The following LMCD1 variants were observed in gnomAD, a reference collection of about 807,000 sequenced individuals.
LMCD1 encodes the protein LIM and cysteine-rich domains protein 1.
In LMCD1, 32 loss-of-function variants were observed where a neutral mutation model predicts 42.7. The observed-to-expected ratio is 0.75, with a 90% CI of 0.57 to 1.01. The LOEUF (loss-of-function observed/expected upper bound fraction) is 1.01. Among genes scored for constraint, LMCD1 ranks in the 50% least tolerant of loss-of-function variants. LMCD1 has a pLI of 0.00. For synonymous variants in LMCD1, 178 were observed against 184.9 expected (o/e 0.96, Z 0.30); for missense variants, 458 against 483.1 (o/e 0.95, Z 0.49).
chr3:8,549,498 G>A (rs1018773661), intron 4 of LMCD1, among the ~76,000 whole-genome samples: 1 of 152,092 alleles, frequency 6.6e-6, no homozygotes, highest in African/African-American at 2.4e-5. Flanking sequence ...CACTGCCCCA[G>A]GAAATCAAAC....
intron 1 of LMCD1, among the ~76,000 whole-genome samples, chr3:8,506,259 A>G (rs1164705703): frequency 6.6e-6 from 1 of 152,218 alleles, no homozygotes; most frequent in Non-Finnish European, 1.5e-5. Flanking sequence ...CTCCAAGGCT[A>G]GGAATTTGCT....
intron 4 of LMCD1, among the ~76,000 whole-genome samples, chr3:8,556,850 A>G (rs1363496153): frequency 1.3e-5 from 2 of 152,092 alleles, no homozygotes; most frequent in Non-Finnish European, 2.9e-5. Flanking sequence ...AGGGAGGGAG[A>G]TTCAGTTAGA....
At chr3:8,544,672 A>G (rs1022803114) in intron 3 of LMCD1, among the ~76,000 whole-genome samples, 1 of 152,230 alleles carries the variant, frequency 6.6e-6, no homozygotes, top group Non-Finnish European at 1.5e-5. Context: ...AAAATCAGAC[A>G]GCAACAGGGT....
intron 5 of LMCD1, 50 bp downstream of exon 5, chr3:8,565,697 G>T: frequency 4.6e-6 from 7 of 1,508,966 alleles, no homozygotes; most frequent in African/African-American, 1.4e-5. Context: ...ACACTGCTGA[G>T]GGTAAAAGCC....
rs1695247275 is a variant in LMCD1, at chr3:8,573,250, T to C, written c.*5652T>C. On this transcript the variant is annotated 3_prime_UTR_variant, in exon 6 of 6. Coordinates refer to ENST00000157600, the MANE Select transcript of LMCD1 (RefSeq NM_014583.4). Reference sequence around the variant, plus strand: ...GAAGCCATTACACTTCCTAGTTTATTTGGATTTAAGTTGACAAATAAAAAT... The same window carrying C: ...GAAGCCATTACACTTCCTAGTTTATCTGGATTTAAGTTGACAAATAAAAAT... 1 of 152,210 alleles carries C rather than the reference T, an allele frequency of 6.6e-6. No homozygotes were observed. Among genetic ancestry groups the C allele is most frequent in the Admixed American group, 6.5e-5 (1 of 15,280 alleles). 9.4% of individuals were successfully genotyped at this position (152,210 alleles called of 1,614,324 possible).
chr3:8,525,715 T>G (rs1694286744), intron 1 of LMCD1, among the ~76,000 whole-genome samples: 2 of 152,196 alleles, frequency 1.3e-5, no homozygotes, highest in African/African-American at 4.8e-5. Context: ...GGGAGATTAT[T>G]AAGACAATGA....
intron 1 of LMCD1, among the ~76,000 whole-genome samples, chr3:8,502,973 C>T (rs1693795128): frequency 6.6e-6 from 1 of 152,178 alleles, no homozygotes; most frequent in Admixed American, 6.5e-5. Flanking sequence ...GACTCAGTCC[C>T]TGCCACTTTT....
intron 1 of LMCD1, among the ~76,000 whole-genome samples, chr3:8,511,802 A>C (rs553470646): frequency 6.6e-6 from 1 of 152,124 alleles, no homozygotes; most frequent in Admixed American, 6.5e-5. Context: ...CTCAAGCAAA[A>C]CCCACTGGGG....
intron 3 of LMCD1, among the ~76,000 whole-genome samples, chr3:8,538,456 A>C (rs1329894572): frequency 1.3e-5 from 2 of 152,184 alleles, no homozygotes; most frequent in African/African-American, 2.4e-5. Context: ...GAAGAAAAGG[A>C]GTGCCTTTGG....
At chr3:8,533,158 G>A (rs551552527) in intron 2 of LMCD1, among the ~76,000 whole-genome samples, 8 of 152,186 alleles carry the variant, frequency 5.3e-5, no homozygotes, top group East Asian at 1.9e-4. Flanking sequence ...GGTATGCCTC[G>A]GGGTTTGGTG....
chr3:8,517,137 G>A (rs76407674), intron 1 of LMCD1, among the ~76,000 whole-genome samples: 7,051 of 152,276 alleles, frequency 0.046, 286 homozygotes, highest in African/African-American at 0.1. Flanking sequence ...TCTGTACAGT[G>A]GGAGGATCCC....
At chr3:8,550,114 C>T in intron 4 of LMCD1, 1 of 1,402,850 alleles carries the variant, frequency 7.1e-7, no homozygotes, top group Admixed American at 2.8e-5. Flanking sequence ...TTTGAGAAAA[C>T]AGAAAGGAGA....
intron 1 of LMCD1, among the ~76,000 whole-genome samples, chr3:8,515,949 G>A (rs1288126326): frequency 6.6e-6 from 1 of 152,086 alleles, no homozygotes; most frequent in African/African-American, 2.4e-5. Context: ...TAGCATTTAG[G>A]AGGAATCTTA....
chr3:8,565,077 A>G (rs1203424893), intron 4 of LMCD1, among the ~76,000 whole-genome samples: 4 of 152,328 alleles, frequency 2.6e-5, no homozygotes, highest in Non-Finnish European at 4.4e-5. Flanking sequence ...AATTAAAAAA[A>G]TTTAAATTGT....
In LMCD1 at chr3:8,501,891, G is replaced by C. The variant is rs775274979; in HGVS notation, c.-48G>C. 3.8e-6 allele frequency: 6 copies of C among 1,558,692 alleles called. No homozygotes were observed. The Admixed American group carries it at 1.1e-4, about 30-fold the overall frequency. On this transcript the variant is annotated 5_prime_UTR_variant, in exon 1 of 6. Transcript: ENST00000157600. ...GCCGCTGTCCCCGCTGCGCGCCCTCGCGCCTCTGCCTGAGAAGCCAGGCGC... is the reference window on the plus strand; with the variant it reads ...GCCGCTGTCCCCGCTGCGCGCCCTCCCGCCTCTGCCTGAGAAGCCAGGCGC...
At chr3:8,516,879 T>G (rs1694111369) in intron 1 of LMCD1, among the ~76,000 whole-genome samples, 1 of 152,214 alleles carries the variant, frequency 6.6e-6, no homozygotes, top group Admixed American at 6.5e-5. Context: ...TTCAACCATG[T>G]CGTACCTTTG....
intron 4 of LMCD1, among the ~76,000 whole-genome samples, chr3:8,555,716 CTTTTTTTTTT>C (rs35525213): frequency 3.2e-5 from 2 of 63,268 alleles, no homozygotes; most frequent in Non-Finnish European, 5.6e-5. Context: ...CTTCAACGAG[CTTTTTTTTTT>C]TTTTTTTTTT....
At chr3:8,508,275 C>T (rs560715735) in intron 1 of LMCD1, among the ~76,000 whole-genome samples, 1 of 152,292 alleles carries the variant, frequency 6.6e-6, no homozygotes, top group East Asian at 1.9e-4. Context: ...GTCAGCCTGA[C>T]CCATGGCCTA....
intron 1 of LMCD1, among the ~76,000 whole-genome samples, chr3:8,502,297 TATATATAATATATAAA>T (rs1227522655): frequency 0.037 from 328 of 8,974 alleles, 17 homozygotes; most frequent in African/African-American, 0.13. Context: ...TAATATATAT[TATATATAATATATAAA>T]ATATATATTA....
Sources: gnomAD v4.1 joint callset for allele counts (sites outside exome capture counted in the v4.1 genomes callset) on GRCh38, gnomAD v4.1.1 for gene constraint, MANE v1.5 for transcripts, NCBI Gene and HGNC (gene_info 2026-07-23, HGNC 2026-07-21) for gene names.